The following MAP3K7 variants were observed in gnomAD, a reference collection of about 807,000 sequenced individuals.
MAP3K7 encodes TGF-beta activated kinase 1.
A neutral mutation model predicts 84.8 loss-of-function variants in MAP3K7; 21 were observed. That is an observed-to-expected ratio of 0.25 (90% CI 0.18 to 0.36). MAP3K7 has a LOEUF of 0.36. Ranked by LOEUF, MAP3K7 falls within the 10% of genes least tolerant of loss-of-function variation. MAP3K7 has a pLI of 1.00. For synonymous variants in MAP3K7, 241 were observed against 247.7 expected (o/e 0.97, Z 0.25); for missense variants, 503 against 747.7 (o/e 0.67, Z 3.82).
At chr6:90,561,743 A>T in intron 3 of MAP3K7, 76 bp from the exon 4 acceptor site, 3 of 972,764 alleles carry the variant, frequency 3.1e-6, no homozygotes, top group Non-Finnish European at 4.9e-6. Context: ...AATTTAATTC[A>T]CTCCCCTGAT....
chr6:90,518,430 C>T lies in MAP3K7; in HGVS notation c.1640+17G>A. On this transcript the variant is annotated intron_variant, in intron 16 of 16. Transcript: ENST00000369329. ...ATACTAATGTATTTTTATTTTTATT[C>T]ATAAAAAATAACTTACTTTCTCTGT... is the stretch of plus-strand genomic sequence containing the variant. The T allele has an allele frequency of 7.9e-7, 1 of 1,258,394 alleles. No individual in the cohort carries two copies. Among genetic ancestry groups the T allele is most frequent in the Non-Finnish European group, 1.1e-6 (1 of 879,488 alleles). 78.0% of individuals were successfully genotyped at this position (1,258,394 alleles called of 1,614,324 possible). A position where few individuals can be genotyped will look rare whatever the true frequency, so the allele number is the denominator to read the frequency against.
intron 11 of MAP3K7, among the ~76,000 whole-genome samples, chr6:90,545,863 A>G (rs753869106): frequency 1.3e-5 from 2 of 152,138 alleles, no homozygotes; most frequent in Non-Finnish European, 2.9e-5. Flanking sequence ...TGATGTGTGG[A>G]TGTTGTTAAG....
At chr6:90,539,958 G>A (rs1033458129) in intron 12 of MAP3K7, among the ~76,000 whole-genome samples, 5 of 151,924 alleles carry the variant, frequency 3.3e-5, no homozygotes, top group Non-Finnish European at 5.9e-5. Flanking sequence ...AGAGCTAAAC[G>A]TCCTTGACTG....
intron 5 of MAP3K7, 117 bp downstream of exon 5, chr6:90,559,959 T>C (rs1419003428): frequency 5.3e-6 from 6 of 1,127,286 alleles, no homozygotes; most frequent in Admixed American, 2.4e-5. Flanking sequence ...GTAAGCCAAA[T>C]AGAGAAAAGA....
intron 6 of MAP3K7, among the ~76,000 whole-genome samples, chr6:90,555,063 T>C (rs1256154167): frequency 6.6e-6 from 1 of 152,226 alleles, no homozygotes; most frequent in African/African-American, 2.4e-5. Flanking sequence ...CTTCCTAACA[T>C]ACAAATCACA....
chr6:90,517,460 C>A (rs34636294), intron 16 of MAP3K7, among the ~76,000 whole-genome samples: 1 of 151,752 alleles, frequency 6.6e-6, no homozygotes, highest in African/African-American at 2.4e-5. Flanking sequence ...ATAGTTTTCA[C>A]AGCCAACACC....
intron 1 of MAP3K7, among the ~76,000 whole-genome samples, chr6:90,580,117 T>C (rs937902147): frequency 4.6e-5 from 7 of 152,240 alleles, no homozygotes; most frequent in Non-Finnish European, 1.0e-4. Flanking sequence ...GAAGATCAGA[T>C]GTAGAATAAT....
intron 1 of MAP3K7, among the ~76,000 whole-genome samples, chr6:90,574,868 C>T (rs1162437443): frequency 6.6e-6 from 1 of 152,134 alleles, no homozygotes; most frequent in East Asian, 1.9e-4. Flanking sequence ...TTCTAGAACA[C>T]CCTGAAATAC....
intron 4 of MAP3K7, 123 bp from the exon 5 acceptor site, chr6:90,560,337 G>C (rs1193563556): frequency 2.1e-6 from 2 of 936,832 alleles, no homozygotes; most frequent in African/African-American, 3.4e-5. Context: ...TGCTCCATCA[G>C]TCCTGCTTTT....
chr6:90,521,189 T>C (rs1775137418), intron 14 of MAP3K7, among the ~76,000 whole-genome samples: 1 of 152,088 alleles, frequency 6.6e-6, no homozygotes, highest in Admixed American at 6.6e-5. Flanking sequence ...TAAATTGATA[T>C]TGAACTTCCA....
intron 12 of MAP3K7, among the ~76,000 whole-genome samples, chr6:90,539,156 G>GT (rs1775774175): frequency 1.3e-5 from 2 of 151,792 alleles, no homozygotes; most frequent in Non-Finnish European, 2.9e-5. Flanking sequence ...CCAAAGTTTC[G>GT]TATTTCTTTA....
At position 90,519,465 on chromosome 6, in the gene MAP3K7, T is replaced by C. The variant is rs558935259; in HGVS notation, c.1463-146A>G. On this transcript the variant is annotated intron_variant, in intron 14 of 16. Transcript: ENST00000369329. ...CAGCTATTGGTAATTGAAGAGTCTATTTCTGAATTCTAAAGGTTAAAAAAA... is the reference window on the plus strand; with the variant it reads ...CAGCTATTGGTAATTGAAGAGTCTACTTCTGAATTCTAAAGGTTAAAAAAA... 37 of 613,742 alleles carry C rather than the reference T, an allele frequency of 6.0e-5. No homozygotes were observed. In the East Asian group the frequency reaches 1.0e-3, roughly 17 times the overall value. 38.0% of individuals were successfully genotyped at this position (613,742 alleles called of 1,614,324 possible).
chr6:90,524,485 A>C (rs2127957746), intron 13 of MAP3K7, among the ~76,000 whole-genome samples: 1 of 152,290 alleles, frequency 6.6e-6, no homozygotes, highest in Non-Finnish European at 1.5e-5. Flanking sequence ...AGGAGACAGA[A>C]AAAGCAGCCA....
At chr6:90,534,090 G>T (rs992589755) in intron 13 of MAP3K7, among the ~76,000 whole-genome samples, 9 of 152,136 alleles carry the variant, frequency 5.9e-5, no homozygotes, top group African/African-American at 2.2e-4. Flanking sequence ...TTTACAGATG[G>T]AAATTCTAAG....
At chr6:90,519,379 A>G in intron 14 of MAP3K7, 60 bp from the exon 15 acceptor site, 1 of 1,104,852 alleles carries the variant, frequency 9.1e-7, no homozygotes, top group Non-Finnish European at 1.3e-6. Context: ...AACGAACAGC[A>G]AGAAAGCATG....
At chr6:90,558,743 T>C (rs1776415187) in intron 5 of MAP3K7, among the ~76,000 whole-genome samples, 1 of 152,234 alleles carries the variant, frequency 6.6e-6, no homozygotes, top group Admixed American at 6.5e-5. Context: ...TAAAAGATGT[T>C]AGAAAATGGA....
At chr6:90,545,635 G>A (rs781492671) in intron 11 of MAP3K7, among the ~76,000 whole-genome samples, 1 of 152,096 alleles carries the variant, frequency 6.6e-6, no homozygotes, top group Non-Finnish European at 1.5e-5. Flanking sequence ...GAGACTCATG[G>A]GCTTGTCAGT....
chr6:90,560,561 C>T (rs1408336593), intron 4 of MAP3K7, among the ~76,000 whole-genome samples: 1 of 152,082 alleles, frequency 6.6e-6, no homozygotes, highest in Non-Finnish European at 1.5e-5. Flanking sequence ...AGGGTATCAC[C>T]ATGTTGGCCA....
intron 1 of MAP3K7, among the ~76,000 whole-genome samples, chr6:90,576,199 G>T (rs558302100): frequency 6.6e-6 from 1 of 152,038 alleles, no homozygotes; most frequent in Non-Finnish European, 1.5e-5. Flanking sequence ...TGAGGCAGGC[G>T]GATCACGAGG....
Sources: gnomAD v4.1 joint callset for allele counts (sites outside exome capture counted in the v4.1 genomes callset) on GRCh38, gnomAD v4.1.1 for gene constraint, MANE v1.5 for transcripts, NCBI Gene and HGNC (gene_info 2026-07-23, HGNC 2026-07-21) for gene names.